PPM1E: variants seen among roughly 807,000 people sequenced by gnomAD.
PPM1E encodes the protein protein phosphatase 1E.
In PPM1E, 20 loss-of-function variants were observed where a neutral mutation model predicts 65.9. The ratio of observed to expected loss-of-function variants is 0.30; its 90% CI spans 0.21 to 0.44. The LOEUF (loss-of-function observed/expected upper bound fraction) is 0.44. Among genes scored for constraint, PPM1E ranks in the 20% least tolerant of loss-of-function variants. The probability of loss-of-function intolerance (pLI) is 1.00; values close to 1 mark genes in which losing one functional copy is unlikely to be tolerated. For missense variants in PPM1E, 713 were observed against 953.1 expected (o/e 0.75, Z 3.32); for synonymous variants, 352 against 374.9 (o/e 0.94, Z 0.70).
intron 1 of PPM1E, among the ~76,000 whole-genome samples, chr17:58,806,700 T>TTC: frequency 9.3e-6 from 1 of 107,152 alleles, no homozygotes; most frequent in African/African-American, 5.0e-5. Context: ...TTTGTTTTCT[T>TTC]TTTTTTTTTT....
At chr17:58,805,892 A>G (rs1305402295) in intron 1 of PPM1E, among the ~76,000 whole-genome samples, 1 of 146,044 alleles carries the variant, frequency 6.8e-6, no homozygotes, top group African/African-American at 2.5e-5. Flanking sequence ...GATTTGTTTC[A>G]ATATGGATCC....
intron 1 of PPM1E, chr17:58,899,664 T>C (rs2051473982): frequency 4.7e-6 from 1 of 213,744 alleles, no homozygotes; most frequent in South Asian, 8.3e-5. Context: ...AAAGATGTCA[T>C]CGAAGAGTAC....
At chr17:58,899,919 A>G (rs542276075) in intron 1 of PPM1E, among the ~76,000 whole-genome samples, 1 of 151,968 alleles carries the variant, frequency 6.6e-6, no homozygotes, top group African/African-American at 2.4e-5. Context: ...CCTAAACAGA[A>G]TGCAGTGGTG....
chr17:58,967,155 T>C (rs1475329916), intron 3 of PPM1E, among the ~76,000 whole-genome samples: 1 of 152,188 alleles, frequency 6.6e-6, no homozygotes, highest in African/African-American at 2.4e-5. Context: ...TTAAGAGCAA[T>C]ATGGCAACAC....
In PPM1E at chr17:58,982,826, T is replaced by C. The variant is rs1219279381; in HGVS notation, c.*1795T>C. On this transcript the variant is annotated 3_prime_UTR_variant, in exon 7 of 7. Transcript: ENST00000308249. Reference sequence around the variant, plus strand: ...CGGAACCTTTTCATCATTCTGAGGCTTTGCCCCACACATGGTCCTCACTCA... The same window carrying C: ...CGGAACCTTTTCATCATTCTGAGGCCTTGCCCCACACATGGTCCTCACTCA... 3 of 1,316,932 alleles carry C rather than the reference T, an allele frequency of 2.3e-6. No individual in the cohort carries two copies. Among genetic ancestry groups the C allele is most frequent in the Non-Finnish European group, 3.2e-6 (3 of 936,320 alleles). 81.6% of individuals were successfully genotyped at this position (1,316,932 alleles called of 1,614,324 possible). A position where few individuals can be genotyped will look rare whatever the true frequency, so the allele number is the denominator to read the frequency against.
At chr17:58,974,043 G>A (rs1224994735) in intron 6 of PPM1E, among the ~76,000 whole-genome samples, 1 of 151,332 alleles carries the variant, frequency 6.6e-6, no homozygotes, top group Non-Finnish European at 1.5e-5. Context: ...CGGAAGGATT[G>A]CTTGAGTCCA....
intron 1 of PPM1E, among the ~76,000 whole-genome samples, chr17:58,856,695 A>G (rs563030974): frequency 1.3e-5 from 2 of 152,328 alleles, no homozygotes; most frequent in African/African-American, 4.8e-5. Context: ...GGGCACAAAT[A>G]GAGAAAAAGA....
At chr17:58,775,722 G>C (rs2049986877) in intron 1 of PPM1E, among the ~76,000 whole-genome samples, 1 of 150,346 alleles carries the variant, frequency 6.7e-6, no homozygotes, top group Admixed American at 6.7e-5. Flanking sequence ...AGACCATCCT[G>C]GCTAACAAGG....
intron 1 of PPM1E, among the ~76,000 whole-genome samples, chr17:58,838,688 T>C (rs2050687310): frequency 6.6e-6 from 1 of 152,172 alleles, no homozygotes; most frequent in South Asian, 2.1e-4. Context: ...ACATACCCAG[T>C]TGAGTTGTAA....
chr17:58,787,151 T>G (rs941964382), intron 1 of PPM1E, among the ~76,000 whole-genome samples: 2 of 152,216 alleles, frequency 1.3e-5, no homozygotes, highest in Non-Finnish European at 2.9e-5. Context: ...AGATAAGGAA[T>G]TCAAGGCTCA....
chr17:58,980,739 C>A lies in PPM1E; in HGVS notation c.1976C>A (p.Ser659Tyr), dbSNP rs1163018198. 1.9e-6 allele frequency: 3 copies of A among 1,614,022 alleles called. No individual in the cohort carries two copies. Among genetic ancestry groups the A allele is most frequent in the African/African-American group, 2.7e-5 (2 of 74,896 alleles). ...CSGLENEQFKSPGNRVSRLSH... is the reference protein window; with the variant it reads ...CSGLENEQFKYPGNRVSRLSH... Reference sequence around the variant, plus strand: ...GGGTTGGAAAATGAACAGTTCAAATCCCCGGGAAACAGAGTTTCTAGATTG... The same window carrying A: ...GGGTTGGAAAATGAACAGTTCAAATACCCGGGAAACAGAGTTTCTAGATTG... The change falls in exon 7 of 7, where the codon TCC (serine) becomes TAC (tyrosine). Residue 659 changes from serine to tyrosine, a missense_variant. Physicochemically the swap from Ser to Tyr is moderately radical, Grantham distance 144 (BLOSUM62 -2). Coordinates refer to ENST00000308249, the MANE Select transcript of PPM1E (RefSeq NM_014906.5). The surrounding 1 kb of genome is among the most constrained non-coding windows in gnomAD (Gnocchi z 4.7).
chr17:58,965,770 C>T lies in PPM1E; in HGVS notation c.660C>T (p.Phe220=). 5 of 1,614,096 alleles carry T rather than the reference C, an allele frequency of 3.1e-6. No individual in the cohort carries two copies. Among genetic ancestry groups the T allele is most frequent in the South Asian group, 1.1e-5 (1 of 91,078 alleles). The change falls in exon 3 of 7, where the codon TTC becomes TTT. Residue 220 remains phenylalanine, a synonymous_variant. Transcript: ENST00000308249. ...TTTGCTGCAGCTGGGTGAAAGACTT[C>T]CCCCTCCGCAGGAGACCCCAGCTTT... ...HEICCSWVKD[F]PLRRRPQLYY...
At chr17:58,914,497 G>A (rs2051663288) in intron 1 of PPM1E, among the ~76,000 whole-genome samples, 1 of 152,100 alleles carries the variant, frequency 6.6e-6, no homozygotes, top group African/African-American at 2.4e-5. Flanking sequence ...ATCTCATAAT[G>A]TTTTCCAAAA....
intron 1 of PPM1E, among the ~76,000 whole-genome samples, chr17:58,803,429 A>G (rs999886432): frequency 6.6e-6 from 1 of 152,160 alleles, no homozygotes; most frequent in Admixed American, 6.5e-5. Context: ...GATAAATCGC[A>G]CCTGATCATG....
intron 1 of PPM1E, among the ~76,000 whole-genome samples, chr17:58,933,141 C>A (rs1299534207): frequency 6.6e-6 from 1 of 152,200 alleles, no homozygotes; most frequent in Non-Finnish European, 1.5e-5. Flanking sequence ...ACAATGACAA[C>A]ATCGCCTAAT....
intron 1 of PPM1E, among the ~76,000 whole-genome samples, chr17:58,934,087 CAAA>C (rs11316368): frequency 5.0e-5 from 4 of 80,130 alleles, no homozygotes; most frequent in Non-Finnish European, 4.9e-5. Flanking sequence ...GACTTCGTAT[CAAA>C]AAAAAAAAAA....
At chr17:58,775,422 T>C (rs1299859521) in intron 1 of PPM1E, among the ~76,000 whole-genome samples, 2 of 152,096 alleles carry the variant, frequency 1.3e-5, no homozygotes, top group Non-Finnish European at 2.9e-5. Flanking sequence ...TCTATAATAA[T>C]GTTATTATTG....
At chr17:58,811,765 G>T (rs2050370591) in intron 1 of PPM1E, among the ~76,000 whole-genome samples, 1 of 152,026 alleles carries the variant, frequency 6.6e-6, no homozygotes, top group African/African-American at 2.4e-5. Context: ...CCACCTCCCG[G>T]GGTCAAGCAA....
chr17:58,919,275 T>C (rs1169248626), intron 1 of PPM1E, among the ~76,000 whole-genome samples: 1 of 152,124 alleles, frequency 6.6e-6, no homozygotes, highest in East Asian at 1.9e-4. Context: ...GAATAGAAAT[T>C]GATAGATGGA....
Sources: allele counts gnomAD v4.1 joint callset (sites outside exome capture counted in the v4.1 genomes callset), GRCh38; gene constraint gnomAD v4.1.1; non-coding constraint Gnocchi (gnomAD v3.1); transcripts MANE v1.5; gene names NCBI Gene and HGNC (gene_info 2026-07-23, HGNC 2026-07-21).